TRAF3: variants seen among roughly 807,000 people sequenced by gnomAD.
TRAF3 encodes TNF receptor associated factor 3.
Under a neutral mutation model 62.3 loss-of-function variants are expected in TRAF3, and 13 were observed. The ratio of observed to expected loss-of-function variants is 0.21; its 90% CI spans 0.14 to 0.33. The LOEUF (loss-of-function observed/expected upper bound fraction) is 0.33, where lower values mean the gene tolerates loss of function less well. Among genes scored for constraint, TRAF3 ranks in the 10% least tolerant of loss-of-function variants. TRAF3 has a pLI of 1.00. For missense variants in TRAF3, 440 were observed against 741.8 expected, an observed-to-expected ratio of 0.59 and a Z score of 4.73; for synonymous variants, 269 against 283.4, an observed-to-expected ratio of 0.95 and a Z score of 0.51.
chr14:102,801,885 G>A (rs895337493), intron 1 of TRAF3, among the ~76,000 whole-genome samples: 22 of 150,952 alleles, frequency 1.5e-4, no homozygotes, highest in South Asian at 1.1e-3. Context: ...GCGTGGTGGC[G>A]GGCGCCTGTA....
intron 1 of TRAF3, among the ~76,000 whole-genome samples, chr14:102,794,247 T>A (rs905955762): frequency 6.6e-6 from 1 of 152,156 alleles, no homozygotes; most frequent in African/African-American, 2.4e-5. Context: ...CCATCATAGC[T>A]CACTGCAGCC....
intron 1 of TRAF3, among the ~76,000 whole-genome samples, chr14:102,793,001 G>C (rs1897886572): frequency 2.0e-5 from 3 of 152,042 alleles, no homozygotes; most frequent in African/African-American, 4.8e-5. Context: ...GTAGCGACAG[G>C]GTTTTGCCAT....
chr14:102,847,444 G>T (rs891356335), intron 2 of TRAF3, among the ~76,000 whole-genome samples: 2 of 152,052 alleles, frequency 1.3e-5, no homozygotes, highest in Non-Finnish European at 2.9e-5. Flanking sequence ...CAAAGTGCTG[G>T]GATTACAACA....
At chr14:102,822,423 T>C (rs769422243) in intron 1 of TRAF3, among the ~76,000 whole-genome samples, 3 of 152,248 alleles carry the variant, frequency 2.0e-5, no homozygotes, top group Non-Finnish European at 4.4e-5. Flanking sequence ...AGATTTTCTC[T>C]ATTTAGTATT....
chr14:102,781,165 T>A (rs1023395863), intron 1 of TRAF3, among the ~76,000 whole-genome samples: 1 of 118,774 alleles, frequency 8.4e-6, no homozygotes, highest in African/African-American at 2.5e-5. Context: ...GGCCATCTGG[T>A]CCCTCTTACA....
intron 2 of TRAF3, among the ~76,000 whole-genome samples, chr14:102,845,609 A>C (rs1486838925): frequency 6.8e-6 from 1 of 147,704 alleles, no homozygotes; most frequent in South Asian, 2.2e-4. Context: ...TCTGCCTCGC[A>C]GGTTCATGCC....
At chr14:102,902,932 T>C (rs796096021) in intron 10 of TRAF3, among the ~76,000 whole-genome samples, 40 of 152,344 alleles carry the variant, frequency 2.6e-4, no homozygotes, top group African/African-American at 9.6e-4. Flanking sequence ...CCTGGTCTTC[T>C]GAACACTTGC....
intron 6 of TRAF3, 40 bp from the exon 7 acceptor site, chr14:102,886,149 G>T: frequency 6.2e-7 from 1 of 1,605,688 alleles, no homozygotes; most frequent in Non-Finnish European, 8.5e-7. Context: ...AGGAAGACAG[G>T]TTGTGTGTTT....
rs142858232 is a variant in TRAF3 at position 102,841,482 on chromosome 14, G to A, written c.-18+11010G>A. The stretch of plus-strand genomic sequence containing the variant: ...GGGTTGCCTTTTCATCTTTGTTAGC[G>A]TGGGTTCAGAGCAGCTTTTTCATCT... On this transcript the variant is annotated intron_variant, in intron 2 of 11. Transcript: ENST00000392745. Among the ~76,000 whole-genome samples, 12 of 152,316 alleles carry A rather than the reference G, an allele frequency of 7.9e-5. No individual in the cohort carries two copies. The East Asian group carries it at 1.2e-3, about 15-fold the overall frequency.
At chr14:102,891,980 C>A (rs1180787801) in intron 9 of TRAF3, among the ~76,000 whole-genome samples, 1 of 151,556 alleles carries the variant, frequency 6.6e-6, no homozygotes, top group East Asian at 1.9e-4. Flanking sequence ...CATTTGACAC[C>A]TTGTGAAACT....
intron 2 of TRAF3, among the ~76,000 whole-genome samples, chr14:102,851,134 A>C (rs1887014143): frequency 6.6e-6 from 1 of 152,194 alleles, no homozygotes; most frequent in Non-Finnish European, 1.5e-5. Context: ...CATTTAACTG[A>C]ATTTGCATAA....
intron 1 of TRAF3, among the ~76,000 whole-genome samples, chr14:102,811,550 GTTTTT>G (rs35064640): frequency 8.8e-5 from 7 of 79,510 alleles, no homozygotes; most frequent in South Asian, 6.2e-4. Context: ...GCTGTAGGCG[GTTTTT>G]TTTTTTTTTT....
At chr14:102,823,628 T>C (rs2139592169) in intron 1 of TRAF3, among the ~76,000 whole-genome samples, 1 of 152,344 alleles carries the variant, frequency 6.6e-6, no homozygotes, top group Admixed American at 6.5e-5. Context: ...AAACTTGCAG[T>C]AACGTTTTCT....
chr14:102,837,144 T>TG lies in TRAF3; in HGVS notation c.-18+6672_-18+6673insG, dbSNP rs1566765656. Among the ~76,000 whole-genome samples, 103 of 130,568 alleles carry TG rather than the reference T, an allele frequency of 7.9e-4. 1 individual carries two copies. The highest frequency in any genetic ancestry group is 2.6e-3 in the African/African-American group (100 of 38,366). 85.7% of individuals were successfully genotyped at this position (130,568 alleles called of 152,430 possible). On this transcript the variant is annotated intron_variant, in intron 2 of 11. Coordinates refer to ENST00000392745, the MANE Select transcript of TRAF3 (RefSeq NM_145725.3). ...TGTGTGTGTGTGTGTGTGTGTGTGT[T>TG]TTTTTTGGGGGGGGGTGAAGGTCTT...
At chr14:102,822,867 A>G (rs1314968998) in intron 1 of TRAF3, among the ~76,000 whole-genome samples, 1 of 152,158 alleles carries the variant, frequency 6.6e-6, no homozygotes, top group African/African-American at 2.4e-5. Context: ...TTAGCCGGGC[A>G]TGGTGGCACA....
chr14:102,895,454 G>A (rs1256312389), intron 9 of TRAF3, among the ~76,000 whole-genome samples: 2 of 152,182 alleles, frequency 1.3e-5, no homozygotes, highest in Non-Finnish European at 2.9e-5. Flanking sequence ...GGACAGCATC[G>A]GGAGTCAGCT....
At chr14:102,780,652 G>A (rs1897237196) in intron 1 of TRAF3, among the ~76,000 whole-genome samples, 2 of 152,086 alleles carry the variant, frequency 1.3e-5, no homozygotes, top group East Asian at 1.9e-4. Flanking sequence ...GGTTGGAATC[G>A]ATGCTGCATT....
At chr14:102,852,037 G>A (rs947668447) in intron 2 of TRAF3, among the ~76,000 whole-genome samples, 5 of 151,394 alleles carry the variant, frequency 3.3e-5, no homozygotes, top group Non-Finnish European at 7.4e-5. Context: ...CCTGGGTGAC[G>A]GCAAGAAAAG....
At chr14:102,779,004 G>T (rs1198477406) in intron 1 of TRAF3, among the ~76,000 whole-genome samples, 1 of 152,200 alleles carries the variant, frequency 6.6e-6, no homozygotes, top group African/African-American at 2.4e-5. Context: ...TTAAGAATTA[G>T]TCTAAAGATG....
Sources: gnomAD v4.1 joint callset for allele counts (sites outside exome capture counted in the v4.1 genomes callset) on GRCh38, gnomAD v4.1.1 for gene constraint, MANE v1.5 for transcripts, NCBI Gene and HGNC (gene_info 2026-07-23, HGNC 2026-07-21) for gene names.